TLE1: variants seen among roughly 807,000 people sequenced by gnomAD.
The protein encoded by TLE1 is TLE family member 1, transcriptional corepressor.
Under a neutral mutation model 89.8 loss-of-function variants are expected in TLE1, and 21 were observed. The observed-to-expected ratio is 0.23, with a 90% CI of 0.17 to 0.34. TLE1 has a LOEUF of 0.34. Ranked by LOEUF, TLE1 falls within the 10% of genes least tolerant of loss-of-function variation. The pLI, the probability that TLE1 is intolerant of heterozygous loss-of-function variation, is 1.00. For missense variants in TLE1, 795 were observed against 1,031.2 expected, an observed-to-expected ratio of 0.77 and a Z score of 3.14; for synonymous variants, 447 against 407.6, an observed-to-expected ratio of 1.10 and a Z score of -1.16.
intron 2 of TLE1, 31 bp from the exon 3 acceptor site, chr9:81,685,927 A>T: frequency 6.2e-7 from 1 of 1,608,866 alleles, no homozygotes; most frequent in Non-Finnish European, 8.5e-7. Context: ...ACTTAATGTA[A>T]ACATTATGTC....
chr9:81,584,257 TATC>T lies in TLE1; in HGVS notation c.2251_2253del (p.Asp751del). 2 of 1,614,196 alleles carry T rather than the reference TATC, an allele frequency of 1.2e-6. No homozygotes were observed. The highest frequency in any genetic ancestry group is 2.2e-5 in the South Asian group (2 of 91,080). On this transcript the variant is annotated inframe_deletion, in exon 20 of 20. Transcript: ENST00000376499. Reference sequence around the variant, plus strand: ...TCCCCCGAGCCAGTGACTATGTACTTATCATCCACAGAGATGTCACAGCTAAGC... The same window carrying T: ...TCCCCCGAGCCAGTGACTATGTACTTATCCACAGAGATGTCACAGCTAAGC...
intron 6 of TLE1, among the ~76,000 whole-genome samples, chr9:81,648,342 C>G (rs918856262): frequency 2.1e-4 from 31 of 148,930 alleles, no homozygotes; most frequent in African/African-American, 7.4e-4. Flanking sequence ...AAAAAAAAAG[C>G]AAATATCTTT....
At chr9:81,604,491 G>A (rs997557409) in intron 14 of TLE1, among the ~76,000 whole-genome samples, 3 of 152,168 alleles carry the variant, frequency 2.0e-5, no homozygotes, top group Admixed American at 6.5e-5. Flanking sequence ...TGGTCTCAGC[G>A]GGTAGGAAAG....
chr9:81,677,099 G>A (rs954599067), intron 4 of TLE1, among the ~76,000 whole-genome samples: 3 of 152,062 alleles, frequency 2.0e-5, no homozygotes, highest in Non-Finnish European at 4.4e-5. Context: ...AGCTGGGTCC[G>A]TGGTGGCACG....
At position 81,583,879 on chromosome 9, in the gene TLE1, G is replaced by A. The variant is rs1827987393; in HGVS notation, c.*319C>T. On this transcript the variant is annotated 3_prime_UTR_variant, in exon 20 of 20. Coordinates refer to ENST00000376499, the MANE Select transcript of TLE1 (RefSeq NM_005077.5). Reference sequence around the variant, plus strand: ...GGAACAGAAAGGTAATCTCACACTTGGGCAAGGCGTGATCCCCAGATCACC... The same window carrying A: ...GGAACAGAAAGGTAATCTCACACTTAGGCAAGGCGTGATCCCCAGATCACC... The A allele has an allele frequency of 3.4e-6, 1 of 295,964 alleles. No homozygotes were observed. Among genetic ancestry groups the A allele is most frequent in the African/African-American group, 2.1e-5 (1 of 47,808 alleles). The allele number at this position is 295,964 out of a possible 1,614,324, so 18.3% of individuals were successfully genotyped here.
chr9:81,596,888 T>C (rs1347660945), intron 14 of TLE1, among the ~76,000 whole-genome samples: 1 of 152,218 alleles, frequency 6.6e-6, no homozygotes, highest in Non-Finnish European at 1.5e-5. Flanking sequence ...TAGACATGTA[T>C]GATTCATGCA....
At chr9:81,601,878 A>T (rs1177152864) in intron 14 of TLE1, among the ~76,000 whole-genome samples, 1 of 152,188 alleles carries the variant, frequency 6.6e-6, no homozygotes, top group African/African-American at 2.4e-5. Context: ...TCTCCCACCT[A>T]TTCAAGGCAA....
chr9:81,674,161 C>A (rs1479270601), intron 4 of TLE1, among the ~76,000 whole-genome samples: 1 of 152,148 alleles, frequency 6.6e-6, no homozygotes, highest in Non-Finnish European at 1.5e-5. Flanking sequence ...TTCAAAAATC[C>A]ATACTGCCAT....
At chr9:81,599,057 T>C (rs1353122116) in intron 14 of TLE1, among the ~76,000 whole-genome samples, 1 of 152,214 alleles carries the variant, frequency 6.6e-6, no homozygotes, top group Non-Finnish European at 1.5e-5. Flanking sequence ...CAATGTGCCC[T>C]GACAAAACTT....
chr9:81,606,242 A>G (rs1831634107), intron 14 of TLE1, among the ~76,000 whole-genome samples: 1 of 152,206 alleles, frequency 6.6e-6, no homozygotes, highest in Admixed American at 6.5e-5. Context: ...AACTAGAAAT[A>G]CCATTTGACC....
intron 4 of TLE1, among the ~76,000 whole-genome samples, chr9:81,669,001 C>G (rs190117164): frequency 3.3e-5 from 5 of 152,166 alleles, no homozygotes; most frequent in African/African-American, 9.6e-5. Context: ...TGTCAATTCT[C>G]GTTTCCCACA....
intron 14 of TLE1, among the ~76,000 whole-genome samples, chr9:81,598,675 G>A (rs1830526031): frequency 1.3e-5 from 2 of 152,138 alleles, no homozygotes; most frequent in African/African-American, 4.8e-5. Context: ...CTTTTCCCAG[G>A]CAACGTCTAG....
At position 81,620,339 on chromosome 9, in the gene TLE1, T is replaced by C. The variant is rs945106026; in HGVS notation, c.711+102A>G. The C allele has an allele frequency of 6.5e-6, 6 of 924,836 alleles. No homozygotes were observed. The African/African-American group carries it at 9.9e-5, about 15-fold the overall frequency. The allele number at this position is 924,836 out of a possible 1,614,324, so 57.3% of individuals were successfully genotyped here. ...AGAACCTCTCCTCTTTACAGTATTATGTTTAAGGACATGGAATTATCACTA... is the reference window on the plus strand; with the variant it reads ...AGAACCTCTCCTCTTTACAGTATTACGTTTAAGGACATGGAATTATCACTA... On this transcript the variant is annotated intron_variant, in intron 9 of 19. Transcript: ENST00000376499.
chr9:81,680,500 A>C (rs1190393390), intron 4 of TLE1, among the ~76,000 whole-genome samples: 1 of 152,154 alleles, frequency 6.6e-6, no homozygotes, highest in African/African-American at 2.4e-5. Flanking sequence ...GATCATGATA[A>C]CTATGTTTTG....
chr9:81,600,901 T>G (rs1191664187), intron 14 of TLE1, among the ~76,000 whole-genome samples: 5 of 152,196 alleles, frequency 3.3e-5, no homozygotes, highest in Non-Finnish European at 5.9e-5. Flanking sequence ...AACATCTACC[T>G]GCTGCTCTCG....
intron 5 of TLE1, 147 bp from the exon 6 acceptor site, chr9:81,652,435 CAGAACATAG>C: frequency 1.6e-6 from 1 of 616,062 alleles, no homozygotes; most frequent in Non-Finnish European, 2.8e-6. Context: ...TTTATTTTCA[CAGAACATAG>C]ATAGGGAAAG....
chr9:81,607,060 T>TA (rs34328471), intron 14 of TLE1, among the ~76,000 whole-genome samples: 61,418 of 139,406 alleles, frequency 0.44, 14,562 homozygotes, highest in Middle Eastern at 0.62. Context: ...CCAGTGTCTC[T>TA]AAAAAAAAAA....
At chr9:81,655,644 G>C (rs764949398) in intron 4 of TLE1, among the ~76,000 whole-genome samples, 2 of 151,996 alleles carry the variant, frequency 1.3e-5, no homozygotes, top group Non-Finnish European at 2.9e-5. Flanking sequence ...TCATCATTTT[G>C]TCAATGCTTA....
Position 81,616,146 on chromosome 9 carries a change from T to A in TLE1, c.766-12A>T, listed in dbSNP as rs758919266. The A allele has an allele frequency of 1.3e-6, 2 of 1,588,100 alleles. No individual in the cohort carries two copies. Among genetic ancestry groups the A allele is most frequent in the Non-Finnish European group, 1.7e-6 (2 of 1,171,688 alleles). On this transcript the variant is annotated splice_polypyrimidine_tract_variant and intron_variant, in intron 10 of 19. Transcript: ENST00000376499. ...GGAGAAGAAGGGTCCTCAACAAGCA[T>A]AATCAAAAGTTTTCGTGATTTAGCT...
Sources: allele counts gnomAD v4.1 joint callset (sites outside exome capture counted in the v4.1 genomes callset), GRCh38; gene constraint gnomAD v4.1.1; transcripts MANE v1.5; gene names NCBI Gene and HGNC (gene_info 2026-07-23, HGNC 2026-07-21).